The following ANXA10 variants were observed in gnomAD, a reference collection of about 807,000 sequenced individuals.
ANXA10 encodes the protein annexin A10.
In ANXA10, 49 loss-of-function variants were observed where a neutral mutation model predicts 53.5. The ratio of observed to expected loss-of-function variants is 0.92; its 90% CI spans 0.73 to 1.16. ANXA10 has a LOEUF of 1.16. ANXA10 is among the 50% of genes most tolerant of loss of function. The probability of loss-of-function intolerance (pLI) is 0.00; values close to 1 mark genes in which losing one functional copy is unlikely to be tolerated. For synonymous variants in ANXA10, 131 were observed against 128.9 expected, an observed-to-expected ratio of 1.02 and a Z score of -0.11; for missense variants, 393 against 394.4, an observed-to-expected ratio of 1.00 and a Z score of 0.03.
At chr4:168,168,704 C>G (rs902393263) in intron 6 of ANXA10, among the ~76,000 whole-genome samples, 1 of 152,160 alleles carries the variant, frequency 6.6e-6, no homozygotes, top group Non-Finnish European at 1.5e-5. Context: ...CAGGCGTGAG[C>G]CACCGCGCCT....
At chr4:168,182,199 CA>C (rs1238823202) in intron 10 of ANXA10, among the ~76,000 whole-genome samples, 1 of 150,854 alleles carries the variant, frequency 6.6e-6, no homozygotes, top group Non-Finnish European at 1.5e-5. Context: ...GTGCTATTTT[CA>C]AAAAGTATTT....
intron 3 of ANXA10, among the ~76,000 whole-genome samples, chr4:168,151,324 G>A (rs1731492569): frequency 6.6e-6 from 1 of 152,188 alleles, no homozygotes; most frequent in African/African-American, 2.4e-5. Flanking sequence ...AAAGATGTTA[G>A]TCTTACTTCT....
At chr4:168,117,599 T>C (rs1730914437) in intron 1 of ANXA10, among the ~76,000 whole-genome samples, 1 of 152,138 alleles carries the variant, frequency 6.6e-6, no homozygotes, top group Non-Finnish European at 1.5e-5. Flanking sequence ...AGGAAAACAA[T>C]GTATAACAAA....
chr4:168,177,800 AG>A lies in ANXA10; in HGVS notation c.534+8del. The stretch of plus-strand genomic sequence containing the variant: ...GGCTGCTCAGGATGCAATGGTAACT[AG>A]AACCAGTTCTCAGACTGACTGCAAA... On this transcript the variant is annotated splice_region_variant and intron_variant, in intron 7 of 11. Transcript: ENST00000359299. 1 of 1,614,182 alleles carries A rather than the reference AG, an allele frequency of 6.2e-7. No homozygotes were observed. Among genetic ancestry groups the A allele is most frequent in the Non-Finnish European group, 8.5e-7 (1 of 1,180,016 alleles).
At chr4:168,180,339 A>G (rs1165603801) in intron 9 of ANXA10, among the ~76,000 whole-genome samples, 2 of 152,220 alleles carry the variant, frequency 1.3e-5, no homozygotes, top group African/African-American at 4.8e-5. Flanking sequence ...ACTGCCTCCA[A>G]GCCTATCAGC....
chr4:168,162,839 T>C lies in ANXA10; in HGVS notation c.309+198T>C, dbSNP rs149761708. 9.8e-3 allele frequency among the ~76,000 whole-genome samples: 1,492 copies of C among 152,276 alleles called. 20 individuals are homozygous for C. Among genetic ancestry groups the C allele is most frequent in the African/African-American group, 0.034 (1,409 of 41,566 alleles). ...GGAAGGTGGAGCCTCCTGGGCTGAG[T>C]GGCTGGGATCAGCCTGTTCTTTTGT... is the stretch of plus-strand genomic sequence containing the variant. On this transcript the variant is annotated intron_variant, in intron 4 of 11. Coordinates refer to ENST00000359299, the MANE Select transcript of ANXA10 (RefSeq NM_007193.5).
intron 3 of ANXA10, among the ~76,000 whole-genome samples, chr4:168,142,464 C>T (rs769162365): frequency 1.9e-4 from 29 of 152,202 alleles, no homozygotes; most frequent in Non-Finnish European, 1.5e-5. Flanking sequence ...AGGCTGGACA[C>T]CTATCATCCT....
chr4:168,173,143 A>G (rs985396339), intron 6 of ANXA10, among the ~76,000 whole-genome samples: 1 of 152,146 alleles, frequency 6.6e-6, no homozygotes, highest in Non-Finnish European at 1.5e-5. Flanking sequence ...ATGAGATTTG[A>G]GCAAAAATAT....
At chr4:168,119,327 A>G (rs1203405573) in intron 1 of ANXA10, among the ~76,000 whole-genome samples, 1 of 152,196 alleles carries the variant, frequency 6.6e-6, no homozygotes, top group Non-Finnish European at 1.5e-5. Context: ...AATTGGAAAT[A>G]GGCTGTGATA....
chr4:168,183,985 G>A (rs973867236), intron 10 of ANXA10, among the ~76,000 whole-genome samples: 1 of 152,120 alleles, frequency 6.6e-6, no homozygotes, highest in East Asian at 1.9e-4. Context: ...TACAGACATT[G>A]ATTTTGTATT....
At chr4:168,109,795 T>G (rs747419111) in intron 1 of ANXA10, among the ~76,000 whole-genome samples, 3 of 152,216 alleles carry the variant, frequency 2.0e-5, no homozygotes, top group Non-Finnish European at 2.9e-5. Flanking sequence ...TTTATAAAAC[T>G]AGGTACTCCT....
intron 1 of ANXA10, among the ~76,000 whole-genome samples, chr4:168,122,533 G>C (rs1019097359): frequency 6.6e-6 from 1 of 152,166 alleles, no homozygotes; most frequent in African/African-American, 2.4e-5. Flanking sequence ...AGAAATACCT[G>C]AGACTGAGTA....
intron 11 of ANXA10, among the ~76,000 whole-genome samples, chr4:168,186,680 T>A (rs1005409377): frequency 6.6e-6 from 1 of 152,188 alleles, no homozygotes; most frequent in African/African-American, 2.4e-5. Context: ...TATGGTACTT[T>A]TGTCACAGCT....
intron 6 of ANXA10, among the ~76,000 whole-genome samples, chr4:168,168,412 T>TTTC (rs541604881): frequency 5.0e-4 from 76 of 152,130 alleles, no homozygotes; most frequent in African/African-American, 1.5e-3. Context: ...ATTTAGTGTA[T>TTTC]TTCTTCTTCT....
chr4:168,153,448 C>CAAAAAAAAAAAAAAAAAAAAAA (rs1731538010), intron 3 of ANXA10, among the ~76,000 whole-genome samples: 2 of 38,430 alleles, frequency 5.2e-5, no homozygotes, highest in Non-Finnish European at 6.0e-5. Flanking sequence ...AAAACAAAAA[C>CAAAAAAAAAAAAAAAAAAAAAA]AAAAACAAAA....
intron 10 of ANXA10, among the ~76,000 whole-genome samples, chr4:168,181,985 TTA>T (rs1732257641): frequency 6.6e-6 from 1 of 152,170 alleles, no homozygotes; most frequent in Non-Finnish European, 1.5e-5. Context: ...CCTGTGCACT[TTA>T]GAGATTATTT....
At chr4:168,098,400 C>T (rs943164483) in intron 1 of ANXA10, among the ~76,000 whole-genome samples, 2 of 152,100 alleles carry the variant, frequency 1.3e-5, no homozygotes, top group Non-Finnish European at 2.9e-5. Context: ...ACCAACTTTT[C>T]ATTTTTCAGT....
intron 10 of ANXA10, among the ~76,000 whole-genome samples, chr4:168,184,130 G>T (rs1337955361): frequency 6.6e-6 from 1 of 152,188 alleles, no homozygotes; most frequent in Non-Finnish European, 1.5e-5. Context: ...CCATCTGACA[G>T]AGCTGAGAAT....
At chr4:168,177,069 G>A (rs963936233) in intron 6 of ANXA10, among the ~76,000 whole-genome samples, 7 of 152,072 alleles carry the variant, frequency 4.6e-5, no homozygotes, top group African/African-American at 1.4e-4. Flanking sequence ...TTGGAGCAAG[G>A]AGAAAGCCTC....
Sources: gnomAD v4.1 joint callset for allele counts (sites outside exome capture counted in the v4.1 genomes callset) on GRCh38, gnomAD v4.1.1 for gene constraint, MANE v1.5 for transcripts, NCBI Gene and HGNC (gene_info 2026-07-23, HGNC 2026-07-21) for gene names.